Variants in USH2A observed in about 807,000 individuals in gnomAD.
USH2A encodes Usher syndrome 2A (autosomal recessive, mild).
In USH2A, 443 loss-of-function variants were observed where a neutral mutation model predicts 538.9. That is an observed-to-expected ratio of 0.82 (90% CI 0.76 to 0.89). The LOEUF is 0.89. Among genes scored for constraint, USH2A ranks in the 40% least tolerant of loss-of-function variants. The pLI is 0.00. For synonymous variants in USH2A, 2,413 were observed against 2,273.5 expected, an observed-to-expected ratio of 1.06 and a Z score of -1.75; for missense variants, 6,633 against 6,324.8, an observed-to-expected ratio of 1.05 and a Z score of -1.65.
intron 50 of USH2A, among the ~76,000 whole-genome samples, chr1:215,791,433 T>TA (rs550399967): frequency 2.6e-5 from 4 of 152,204 alleles, no homozygotes; most frequent in Non-Finnish European, 4.4e-5. Flanking sequence ...AAAGTGCTTT[T>TA]AAAAAAAATC....
In USH2A at chr1:215,999,019, G is replaced by C; in HGVS notation, c.6525C>G (p.Arg2175=). Residue 2175 remains arginine, a synonymous_variant, in exon 34 of 72, where the codon CGC becomes CGG. Transcript: ENST00000307340. ...QPRKISGILE[R]YVLYMSNHTH... The stretch of plus-strand genomic sequence containing the variant: ...TATGGTTTGACATATATAATACATA[G>C]CGTTCCAGAATCCCACTTATTTTTC... 1 of 1,612,396 alleles carries C rather than the reference G, an allele frequency of 6.2e-7. No individual in the cohort carries two copies. The highest frequency in any genetic ancestry group is 8.5e-7 in the Non-Finnish European group (1 of 1,178,872).
intron 30 of USH2A, among the ~76,000 whole-genome samples, chr1:216,055,832 C>T (rs2030957886): frequency 6.6e-6 from 1 of 152,176 alleles, no homozygotes; most frequent in East Asian, 1.9e-4. Flanking sequence ...TTAACCCAAA[C>T]CTAAGGTAAT....
rs2034359683 is a variant in USH2A, at chr1:216,175,479, G to A, written c.4400C>T (p.Pro1467Leu). ...SGAGQTLAAA[P>L]AQLRPPLVKG... ...AACCAGAGGTGGCCTCAGTTGTGCT[G>A]GTGCTAAATATTAGAAAACACCTGT... The change falls in exon 21 of 72, where the codon CCA becomes CTA. Residue 1467 changes from proline (P) to leucine (L), a missense_variant. By Grantham distance (98) the Pro-to-Leu change is moderately conservative. Coordinates refer to ENST00000307340, the MANE Select transcript of USH2A (RefSeq NM_206933.4). 6.2e-7 allele frequency: 1 copy of A among 1,613,528 alleles called. No individual in the cohort carries two copies. Among genetic ancestry groups the A allele is most frequent in the African/African-American group, 1.3e-5 (1 of 74,892 alleles).
chr1:215,916,876 T>C (rs1456452300), intron 38 of USH2A, among the ~76,000 whole-genome samples: 1 of 152,052 alleles, frequency 6.6e-6, no homozygotes, highest in Non-Finnish European at 1.5e-5. Context: ...CTCTTTGTGG[T>C]TTAAGATTAA....
At chr1:215,846,403 A>C in intron 44 of USH2A, among the ~76,000 whole-genome samples, 1 of 152,054 alleles carries the variant, frequency 6.6e-6, no homozygotes, top group Non-Finnish European at 1.5e-5. Flanking sequence ...TTGTAGACAC[A>C]GGGTCTTGCT....
Position 215,817,028 on chromosome 1 carries a change from C to G in USH2A, c.9539G>C (p.Cys3180Ser), listed in dbSNP as rs1229658229. Residue 3180 changes from cysteine (C) to serine (S), a missense_variant, in exon 48 of 72, where the codon TGT becomes TCT. Coordinates refer to ENST00000307340, the MANE Select transcript of USH2A (RefSeq NM_206933.4). The stretch of plus-strand genomic sequence containing the variant: ...TTCAGAAGAATAGCAAATGTGTCCA[C>G]AGATAGATTCAGGTTTTTGACACCT... ...AVRCQKPESICGHICYSSEAK... is the reference protein window; with the variant it reads ...AVRCQKPESISGHICYSSEAK... 4.3e-6 allele frequency: 7 copies of G among 1,612,424 alleles called. No individual in the cohort carries two copies. The highest frequency in any genetic ancestry group is 5.1e-6 in the Non-Finnish European group (6 of 1,178,924).
intron 16 of USH2A, among the ~76,000 whole-genome samples, chr1:216,204,557 A>T (rs1380915693): frequency 1.3e-5 from 2 of 152,200 alleles, no homozygotes; most frequent in African/African-American, 4.8e-5. Flanking sequence ...TCTAAAAAAG[A>T]ATTCTATAAA....
chr1:215,709,029 C>T (rs1659262149), intron 61 of USH2A, among the ~76,000 whole-genome samples: 1 of 152,044 alleles, frequency 6.6e-6, no homozygotes, highest in Non-Finnish European at 1.5e-5. Context: ...AAATAAATGG[C>T]CAGTCTGATT....
chr1:215,685,690 A>T (rs2102676865), intron 61 of USH2A, among the ~76,000 whole-genome samples: 1 of 66,972 alleles, frequency 1.5e-5, no homozygotes, highest in African/African-American at 4.3e-5. Context: ...AATTATTATT[A>T]TTATTTTTTT....
At chr1:215,835,846 A>G (rs1051612832) in intron 47 of USH2A, among the ~76,000 whole-genome samples, 1 of 152,158 alleles carries the variant, frequency 6.6e-6, no homozygotes, top group Non-Finnish European at 1.5e-5. Flanking sequence ...AATATTGCTT[A>G]CAAAATTGTG....
chr1:215,855,654 C>A (rs1343159804), intron 44 of USH2A, among the ~76,000 whole-genome samples: 1 of 151,952 alleles, frequency 6.6e-6, no homozygotes, highest in East Asian at 1.9e-4. Context: ...ATCAAAATAC[C>A]ACCATCATTC....
intron 61 of USH2A, among the ~76,000 whole-genome samples, chr1:215,690,297 G>C (rs761071334): frequency 1.1e-4 from 17 of 152,148 alleles, no homozygotes; most frequent in Non-Finnish European, 2.4e-4. Flanking sequence ...GGGACACTAA[G>C]GTGGCTGGCC....
rs190080794 is a variant in USH2A, at chr1:216,401,415, G to A, written c.651+17099C>T. ...GACAAGAAATAGAAAAAATAAAATT[G>A]CACACATAAGGCTAGCATATCAGTA... On this transcript the variant is annotated intron_variant, in intron 3 of 71. Coordinates refer to ENST00000307340, the MANE Select transcript of USH2A (RefSeq NM_206933.4). 9.1e-4 allele frequency among the ~76,000 whole-genome samples: 139 copies of A among 152,024 alleles called. No individual in the cohort carries two copies. The Middle Eastern group carries it at 0.027, about 30-fold the overall frequency.
At chr1:215,988,669 T>C (rs899618061) in intron 35 of USH2A, among the ~76,000 whole-genome samples, 2 of 152,316 alleles carry the variant, frequency 1.3e-5, no homozygotes, top group Middle Eastern at 3.4e-3. Flanking sequence ...CCAGAACATG[T>C]TGTTTTCTGT....
At chr1:215,634,184 T>C (rs141528725) in intron 70 of USH2A, among the ~76,000 whole-genome samples, 5 of 152,274 alleles carry the variant, frequency 3.3e-5, no homozygotes, top group African/African-American at 1.2e-4. Context: ...AAGAAAAGAA[T>C]ACCAATCTTC....
At chr1:215,813,605 G>A (rs1662763649) in intron 49 of USH2A, 131 bp downstream of exon 49, 9 of 1,017,226 alleles carry the variant, frequency 8.8e-6, no homozygotes, top group South Asian at 1.3e-5. Flanking sequence ...TTTAGAGCAG[G>A]CCATTGGCTA....
chr1:215,627,256 A>G (rs1017164292), intron 71 of USH2A, among the ~76,000 whole-genome samples: 1 of 152,142 alleles, frequency 6.6e-6, no homozygotes, highest in African/African-American at 2.4e-5. Flanking sequence ...AAATCCAAAA[A>G]CAGAAGCAGA....
chr1:216,069,573 G>T (rs569372340), intron 30 of USH2A, among the ~76,000 whole-genome samples: 25 of 152,242 alleles, frequency 1.6e-4, no homozygotes, highest in African/African-American at 4.8e-4. Flanking sequence ...TGTGTTAGTG[G>T]TGTGTATGAG....
At chr1:216,128,268 A>G (rs2033297218) in intron 21 of USH2A, among the ~76,000 whole-genome samples, 1 of 152,114 alleles carries the variant, frequency 6.6e-6, no homozygotes, top group South Asian at 2.1e-4. Flanking sequence ...ACTAAAAACA[A>G]TGTGTAATTT....
Sources: gnomAD v4.1 joint callset for allele counts (sites outside exome capture counted in the v4.1 genomes callset) on GRCh38, gnomAD v4.1.1 for gene constraint, MANE v1.5 for transcripts, NCBI Gene and HGNC (gene_info 2026-07-23, HGNC 2026-07-21) for gene names.